SYT14: variants seen among roughly 807,000 people sequenced by gnomAD.
SYT14 encodes synaptotagmin 14, also known as synaptotagmin-14.
Under a neutral mutation model 74.2 loss-of-function variants are expected in SYT14, and 32 were observed. The ratio of observed to expected loss-of-function variants is 0.43; its 90% CI spans 0.33 to 0.58. The LOEUF (loss-of-function observed/expected upper bound fraction) is 0.58, where lower values mean the gene tolerates loss of function less well. Ranked by LOEUF, SYT14 falls within the 20% of genes least tolerant of loss-of-function variation. The pLI is 0.05. For synonymous variants in SYT14, 298 were observed against 337.7 expected (o/e 0.88, Z 1.29); for missense variants, 791 against 981.8 (o/e 0.81, Z 2.60).
At chr1:210,115,510 C>A (rs2082342423) in intron 7 of SYT14, among the ~76,000 whole-genome samples, 1 of 151,362 alleles carries the variant, frequency 6.6e-6, no homozygotes, top group Non-Finnish European at 1.5e-5. Context: ...GACTGTCTTC[C>A]AGAGTCCGTT....
intron 5 of SYT14, among the ~76,000 whole-genome samples, chr1:210,083,458 G>A (rs1320217612): frequency 6.6e-6 from 1 of 152,210 alleles, no homozygotes; most frequent in Non-Finnish European, 1.5e-5. Context: ...TGTGGCTCAG[G>A]TTGGAGTGTA....
At chr1:210,015,964 A>G in exon 4 of SYT14, 1 of 1,231,804 alleles carries the variant, frequency 8.1e-7, no homozygotes. Flanking sequence ...CAGAAGAGAA[A>G]ATTCCATTAT....
chr1:210,050,024 C>G (rs1270158300), intron 5 of SYT14, among the ~76,000 whole-genome samples: 1 of 152,180 alleles, frequency 6.6e-6, no homozygotes, highest in Non-Finnish European at 1.5e-5. Context: ...CCTCATTACT[C>G]ATGCAAATTT....
chr1:210,009,989 A>G lies in SYT14; in HGVS notation c.-485-3644A>G, dbSNP rs559089709. Among the ~76,000 whole-genome samples the G allele has an allele frequency of 2.0e-5, 3 of 152,098 alleles. No individual in the cohort carries two copies. The South Asian group carries it at 6.3e-4, about 32-fold the overall frequency. ...CAACTCTTCTTCTTTCTTATCCTCT[A>G]AATTTACATAAGTGGATCATTATCA... On this transcript the variant is annotated intron_variant, in intron 2 of 9. Coordinates refer to ENST00000637265, the Ensembl canonical transcript of SYT14.
rs377067642 is a variant in SYT14 at position 210,149,407 on chromosome 1, T to C, written c.2035-6314T>C. Among the ~76,000 whole-genome samples, 6 of 151,884 alleles carry C rather than the reference T, an allele frequency of 4.0e-5. No homozygotes were observed. The East Asian group carries it at 1.2e-3, about 29-fold the overall frequency. ...ACCATGTTGGCCAGGCTGGTCTCAA[T>C]CTCGTGGCCTCAAGTGATCTGCCTG... On this transcript the variant is annotated intron_variant, in intron 7 of 9. Transcript: ENST00000637265.
At chr1:210,068,682 G>C (rs1258375802) in intron 5 of SYT14, among the ~76,000 whole-genome samples, 1 of 151,448 alleles carries the variant, frequency 6.6e-6, no homozygotes, top group Non-Finnish European at 1.5e-5. Flanking sequence ...TTGTAAAGTT[G>C]TTAATAGCAT....
At chr1:210,002,665 A>G (rs1437663832) in intron 2 of SYT14, among the ~76,000 whole-genome samples, 1 of 152,058 alleles carries the variant, frequency 6.6e-6, no homozygotes, top group Non-Finnish European at 1.5e-5. Flanking sequence ...CTGCATTATG[A>G]TGTAATTTGA....
intron 2 of SYT14, among the ~76,000 whole-genome samples, chr1:210,010,425 G>A (rs192039042): frequency 1.8e-4 from 28 of 152,174 alleles, no homozygotes; most frequent in African/African-American, 6.7e-4. Flanking sequence ...TTGCCCATTA[G>A]TGCTTATAGA....
chr1:209,976,652 G>T (rs2079371019), intron 2 of SYT14, among the ~76,000 whole-genome samples: 1 of 152,084 alleles, frequency 6.6e-6, no homozygotes, highest in Non-Finnish European at 1.5e-5. Flanking sequence ...AATAAGTACG[G>T]CATGGTGCTG....
chr1:209,993,516 A>G (rs1197339718), intron 2 of SYT14, among the ~76,000 whole-genome samples: 3 of 152,134 alleles, frequency 2.0e-5, no homozygotes, highest in East Asian at 1.9e-4. Context: ...AGGAGACTGT[A>G]TGTACCCTTA....
intron 5 of SYT14, among the ~76,000 whole-genome samples, chr1:210,056,786 AAAC>A (rs1430068641): frequency 8.6e-5 from 13 of 151,436 alleles, no homozygotes; most frequent in South Asian, 2.1e-4. Flanking sequence ...ACTCCGTATC[AAAC>A]AACAACAACA....
At chr1:210,052,270 G>T (rs1223341596) in intron 5 of SYT14, among the ~76,000 whole-genome samples, 3 of 151,380 alleles carry the variant, frequency 2.0e-5, no homozygotes. Context: ...GCCCAGGCTG[G>T]AGTGCAGTGG....
intron 2 of SYT14, among the ~76,000 whole-genome samples, chr1:209,990,558 TAC>T (rs1247352738): frequency 1.7e-3 from 132 of 77,478 alleles, no homozygotes; most frequent in African/African-American, 5.5e-3. Context: ...TGTATATATA[TAC>T]GTATATATAT....
intron 2 of SYT14, among the ~76,000 whole-genome samples, chr1:209,964,007 T>C (rs1195632307): frequency 6.6e-6 from 1 of 152,204 alleles, no homozygotes; most frequent in Non-Finnish European, 1.5e-5. Flanking sequence ...GCTAAGTTGT[T>C]ATACACGCTT....
intron 7 of SYT14, among the ~76,000 whole-genome samples, chr1:210,142,604 G>A (rs906730781): frequency 2.6e-5 from 4 of 152,070 alleles, no homozygotes; most frequent in Non-Finnish European, 4.4e-5. Context: ...GATCCAAAAT[G>A]GCCATTCAGT....
intron 6 of SYT14, 79 bp downstream of exon 5, chr1:210,094,672 A>G (rs1311025886): frequency 2.0e-6 from 3 of 1,488,422 alleles, no homozygotes. Flanking sequence ...CTTGGTAAGA[A>G]GAATTGATTT....
chr1:209,991,398 G>C (rs1247370644), intron 2 of SYT14, among the ~76,000 whole-genome samples: 1 of 152,124 alleles, frequency 6.6e-6, no homozygotes, highest in Non-Finnish European at 1.5e-5. Context: ...AAGGTCCAAT[G>C]TCCAGAATCT....
chr1:210,000,706 C>A (rs1225482189), intron 2 of SYT14, among the ~76,000 whole-genome samples: 1 of 150,130 alleles, frequency 6.7e-6, no homozygotes, highest in African/African-American at 2.5e-5. Flanking sequence ...CCTCTGCCCT[C>A]CGAGTCAAGT....
chr1:209,969,663 A>C (rs1375933707), intron 2 of SYT14, among the ~76,000 whole-genome samples: 1 of 151,328 alleles, frequency 6.6e-6, no homozygotes, highest in South Asian at 2.1e-4. Flanking sequence ...AATTTTTTGT[A>C]TTTTTAGTGT....
Sources: gnomAD v4.1 joint callset for allele counts (sites outside exome capture counted in the v4.1 genomes callset) on GRCh38, gnomAD v4.1.1 for gene constraint, MANE v1.5 for transcripts, NCBI Gene and HGNC (gene_info 2026-07-23, HGNC 2026-07-21) for gene names.